The following ST7L variants were observed in gnomAD, a reference collection of about 807,000 sequenced individuals.
The protein encoded by ST7L is suppressor of tumorigenicity 7 protein-like.
In ST7L, 57 loss-of-function variants were observed where a neutral mutation model predicts 72.5. The observed-to-expected ratio is 0.79, with a 90% CI of 0.64 to 0.98. The LOEUF is 0.98. Ranked by LOEUF, ST7L falls within the 50% of genes least tolerant of loss-of-function variation. The pLI, the probability that ST7L is intolerant of heterozygous loss-of-function variation, is 0.00. For synonymous variants in ST7L, 221 were observed against 240.9 expected, an observed-to-expected ratio of 0.92 and a Z score of 0.77; for missense variants, 576 against 672.2, an observed-to-expected ratio of 0.86 and a Z score of 1.58.
At chr1:112,598,853 A>C (rs1666891359) in intron 4 of ST7L, among the ~76,000 whole-genome samples, 1 of 150,910 alleles carries the variant, frequency 6.6e-6, no homozygotes, top group Non-Finnish European at 1.5e-5. Context: ...GGGTTTGAGG[A>C]GTTTGAGACC....
At chr1:112,617,896 A>G (rs1670167051) in intron 1 of ST7L, 1 of 863,864 alleles carries the variant, frequency 1.2e-6, no homozygotes, top group Admixed American at 2.8e-5. Context: ...TTCACCTGTT[A>G]CAGAGATGCC....
In ST7L at chr1:112,523,769, CAT is replaced by C. The variant is rs1353018053; in HGVS notation, c.*2242_*2243del. Reference sequence around the variant, plus strand: ...GTGCTATTTAGATACAAACTTAAAACATACTATATATTTTAAGGATCTAAGAA... The same window carrying C: ...GTGCTATTTAGATACAAACTTAAAACACTATATATTTTAAGGATCTAAGAA... On this transcript the variant is annotated 3_prime_UTR_variant, in exon 15 of 15. Coordinates refer to ENST00000358039, the MANE Select transcript of ST7L (RefSeq NM_017744.5). 2.0e-5 allele frequency: 3 copies of C among 151,974 alleles called. No individual in the cohort carries two copies. The highest frequency in any genetic ancestry group is 2.9e-5 in the Non-Finnish European group (2 of 68,006). The allele number at this position is 151,974 out of a possible 1,614,324, so 9.4% of individuals were successfully genotyped here. A position where few individuals can be genotyped will look rare whatever the true frequency, so the allele number is the denominator to read the frequency against.
chr1:112,520,157 T>C (rs141751661), downstream of ST7L: 1,098 of 890,432 alleles, frequency 1.2e-3, 7 homozygotes, highest in African/African-American at 0.016. Flanking sequence ...TAGGCATGAG[T>C]GAGCCACTGT....
At chr1:112,560,674 C>T (rs1464825776) in intron 11 of ST7L, among the ~76,000 whole-genome samples, 3 of 151,758 alleles carry the variant, frequency 2.0e-5, no homozygotes, top group Non-Finnish European at 2.9e-5. Context: ...TATTAAAATA[C>T]TTATTGGCCA....
chr1:112,601,956 T>G (rs1453565005), intron 3 of ST7L, among the ~76,000 whole-genome samples: 1 of 151,934 alleles, frequency 6.6e-6, no homozygotes, highest in Non-Finnish European at 1.5e-5. Context: ...TGCGTGCCTG[T>G]AATCCCAGGT....
rs1262168835 is a variant in ST7L at position 112,523,552 on chromosome 1, G to A, written c.*2461C>T. The stretch of plus-strand genomic sequence containing the variant: ...AGCAGCAAAATGAGAACTTTATTTG[G>A]TGCAGTCAGGGCTCCATTTAGTTCC... On this transcript the variant is annotated 3_prime_UTR_variant, in exon 15 of 15. Coordinates refer to ENST00000358039, the MANE Select transcript of ST7L (RefSeq NM_017744.5). 1 of 152,086 alleles carries A rather than the reference G, an allele frequency of 6.6e-6. No individual in the cohort carries two copies. Among genetic ancestry groups the A allele is most frequent in the Non-Finnish European group, 1.5e-5 (1 of 68,028 alleles). 9.4% of individuals were successfully genotyped at this position (152,086 alleles called of 1,614,324 possible).
At chr1:112,580,721 G>A (rs752096641) in intron 9 of ST7L, among the ~76,000 whole-genome samples, 6 of 152,104 alleles carry the variant, frequency 3.9e-5, no homozygotes, top group Non-Finnish European at 8.8e-5. Context: ...TCAGGAGATC[G>A]AGACCATCCT....
At chr1:112,573,279 T>C (rs1033359614) in intron 11 of ST7L, among the ~76,000 whole-genome samples, 2 of 128,458 alleles carry the variant, frequency 1.6e-5, no homozygotes, top group Non-Finnish European at 1.5e-5. Flanking sequence ...ACCCGGGAGG[T>C]GGAGGTTGCA....
rs537836793 is a variant in ST7L, at chr1:112,540,661, G to GA, written c.1629+1289dup. ...ACCACTGCTCTTACCACTGGTGCCA[G>GA]AAAAAAGCCAACTAATCTTTAAGGC... On this transcript the variant is annotated intron_variant, in intron 14 of 14. Coordinates refer to ENST00000358039, the MANE Select transcript of ST7L (RefSeq NM_017744.5). 2.1e-5 allele frequency: 25 copies of GA among 1,181,472 alleles called. No homozygotes were observed. In the Admixed American group the frequency reaches 7.4e-4, roughly 35 times the overall value. 73.2% of individuals were successfully genotyped at this position (1,181,472 alleles called of 1,614,324 possible).
At chr1:112,518,150 C>G in the ST7L span, 1 of 152,120 alleles carries the variant, frequency 6.6e-6, no homozygotes, top group South Asian at 2.1e-4. Context: ...TCAGTCTGTT[C>G]GAGGTATTTG....
In ST7L at chr1:112,525,767, C is replaced by A. The variant is rs1653284487; in HGVS notation, c.*246G>T. ...GCCCCTGTAAGTAGCCCTGGCCAAA[C>A]AGAAAGGCTAAGCTGAATGAAGAAA... is the stretch of plus-strand genomic sequence containing the variant. On this transcript the variant is annotated 3_prime_UTR_variant, in exon 15 of 15. Coordinates refer to ENST00000358039, the MANE Select transcript of ST7L (RefSeq NM_017744.5). The A allele has an allele frequency of 2.4e-6, 1 of 425,404 alleles. No homozygotes were observed. The highest frequency in any genetic ancestry group is 4.0e-6 in the Non-Finnish European group (1 of 248,154). 26.4% of individuals were successfully genotyped at this position (425,404 alleles called of 1,614,324 possible).
intron 14 of ST7L, chr1:112,540,938 A>G: frequency 2.1e-6 from 2 of 968,158 alleles, no homozygotes; most frequent in South Asian, 2.8e-5. Flanking sequence ...CTTAAAGGCA[A>G]TTATCTTTGC....
intron 14 of ST7L, chr1:112,527,354 T>G (rs1052563407): frequency 3.3e-5 from 5 of 152,584 alleles, no homozygotes; most frequent in Non-Finnish European, 5.9e-5. Flanking sequence ...TATTTTTTGG[T>G]CCATCGATCT....
intron 2 of ST7L, among the ~76,000 whole-genome samples, chr1:112,615,672 G>A (rs543466698): frequency 8.1e-4 from 124 of 152,234 alleles, no homozygotes; most frequent in Middle Eastern, 6.8e-3. Context: ...GCAACGTAGT[G>A]AGACTCCATC....
Position 112,615,442 on chromosome 1 carries a change from G to A in ST7L, c.288+1371C>T, listed in dbSNP as rs945183916. On this transcript the variant is annotated intron_variant, in intron 2 of 14. Transcript: ENST00000358039. ...CTATTAACTGCCAGTTAACAGATGA[G>A]GAAACTGGGGCTTGAAAAAACTGTA... Among the ~76,000 whole-genome samples the A allele has an allele frequency of 2.0e-5, 3 of 152,182 alleles. No homozygotes were observed. The East Asian group carries it at 5.8e-4, about 29-fold the overall frequency.
chr1:112,571,264 G>T (rs2101766011), intron 11 of ST7L: 1 of 455,438 alleles, frequency 2.2e-6, no homozygotes. Flanking sequence ...TAAGTTTATA[G>T]CATCACTCAC....
chr1:112,618,943 C>T lies in ST7L; in HGVS notation c.171G>A (p.Arg57=), dbSNP rs1409910790. The stretch of plus-strand genomic sequence containing the variant: ...AATTCTCACACAGCCTCAAAGGGAT[C>T]CTCAGGGCGTAAAGCAGCCCCAGCC... ...VAGLGLLYAL[R]IPLRLCENLA... is the part of the protein sequence containing the mutation. The change falls in exon 1 of 15, where the codon AGG becomes AGA. Residue 57 remains arginine (R), a synonymous_variant. Coordinates refer to ENST00000358039, the MANE Select transcript of ST7L (RefSeq NM_017744.5). The T allele has an allele frequency of 1.3e-6, 2 of 1,583,468 alleles. No individual in the cohort carries two copies. Among genetic ancestry groups the T allele is most frequent in the Non-Finnish European group, 1.7e-6 (2 of 1,165,046 alleles).
intron 11 of ST7L, among the ~76,000 whole-genome samples, chr1:112,565,350 C>A (rs1571050846): frequency 6.7e-6 from 1 of 150,156 alleles, no homozygotes; most frequent in Admixed American, 6.7e-5. Context: ...GGATTGCAGG[C>A]GTGAGCCACC....
At chr1:112,580,803 C>A (rs1663983174) in intron 9 of ST7L, among the ~76,000 whole-genome samples, 1 of 152,178 alleles carries the variant, frequency 6.6e-6, no homozygotes, top group South Asian at 2.1e-4. Context: ...TGGCAGGCAC[C>A]TGTAGACCCA....
Sources: gnomAD v4.1 joint callset for allele counts (sites outside exome capture counted in the v4.1 genomes callset) on GRCh38, gnomAD v4.1.1 for gene constraint, MANE v1.5 for transcripts, NCBI Gene and HGNC (gene_info 2026-07-23, HGNC 2026-07-21) for gene names.